The following TAFA5 variants were observed in gnomAD, a reference collection of about 807,000 sequenced individuals.
TAFA5 encodes chemokine-like protein TAFA-5.
TAFA5 carries 6 observed loss-of-function variants against 15.3 expected under a neutral mutation model. That is an observed-to-expected ratio of 0.39 (90% CI 0.21 to 0.77). TAFA5 has a LOEUF of 0.77. Ranked by LOEUF, TAFA5 falls within the 30% of genes least tolerant of loss-of-function variation. The pLI is 0.41. For synonymous variants in TAFA5, 103 were observed against 80.7 expected (o/e 1.28, Z -1.48); for missense variants, 161 against 193.1 (o/e 0.83, Z 0.98).
At chr22:48,734,736 A>C (rs1929960130) in intron 3 of TAFA5, among the ~76,000 whole-genome samples, 1 of 152,244 alleles carries the variant, frequency 6.6e-6, no homozygotes, top group South Asian at 2.1e-4. Context: ...CCCGTCCTGA[A>C]ATGAACCCAG....
intron 1 of TAFA5, among the ~76,000 whole-genome samples, chr22:48,505,802 T>C (rs1920988550): frequency 6.6e-6 from 1 of 152,212 alleles, no homozygotes; most frequent in Non-Finnish European, 1.5e-5. Flanking sequence ...AGAAAAGCTG[T>C]TACACTCATG....
chr22:48,744,038 C>T lies in TAFA5; in HGVS notation c.391-5801C>T, dbSNP rs114630886. Among the ~76,000 whole-genome samples the T allele has an allele frequency of 4.3e-3, 651 of 152,298 alleles. 5 individuals carry two copies. The highest frequency in any genetic ancestry group is 0.011 in the African/African-American group (473 of 41,554). On this transcript the variant is annotated intron_variant, in intron 3 of 3. Coordinates refer to ENST00000402357, the MANE Select transcript of TAFA5 (RefSeq NM_001082967.3). ...GCTGGGTTTGCCGTCGGGGAAGCTC[C>T]GAGTTGCGCCTGCCAAGGCTGTTCT...
intron 1 of TAFA5, among the ~76,000 whole-genome samples, chr22:48,577,264 G>A (rs1265341090): frequency 6.6e-6 from 1 of 152,208 alleles, no homozygotes. Context: ...CATCTTACTG[G>A]GGGTTGGGGG....
intron 2 of TAFA5, among the ~76,000 whole-genome samples, chr22:48,666,794 T>C (rs950449302): frequency 6.6e-6 from 1 of 152,174 alleles, no homozygotes; most frequent in African/African-American, 2.4e-5. Flanking sequence ...TCCAGCCTGC[T>C]GGGAGACACA....
intron 1 of TAFA5, among the ~76,000 whole-genome samples, chr22:48,540,308 A>G (rs1259090056): frequency 6.7e-6 from 1 of 149,658 alleles, no homozygotes; most frequent in Non-Finnish European, 1.5e-5. Context: ...CGGTGGGGGG[A>G]GGTGGATCCC....
intron 1 of TAFA5, chr22:48,538,960 A>G (rs73173404): frequency 0.011 from 1,997 of 180,064 alleles, 27 homozygotes; most frequent in Non-Finnish European, 0.017. Context: ...AGTGTGCAAT[A>G]GACTTAACAT....
At chr22:48,700,013 C>A (rs1184367917) in intron 2 of TAFA5, among the ~76,000 whole-genome samples, 3 of 152,050 alleles carry the variant, frequency 2.0e-5, no homozygotes, top group African/African-American at 7.2e-5. Context: ...GTGATGTCTG[C>A]ATGAATGTGC....
At chr22:48,721,262 G>C (rs1331260962) in intron 3 of TAFA5, among the ~76,000 whole-genome samples, 1 of 152,216 alleles carries the variant, frequency 6.6e-6, no homozygotes, top group African/African-American at 2.4e-5. Context: ...TTCTAGAGCA[G>C]CCTGGGCCAC....
chr22:48,558,187 T>C (rs985221541), intron 1 of TAFA5, among the ~76,000 whole-genome samples: 1 of 152,184 alleles, frequency 6.6e-6, no homozygotes, highest in Non-Finnish European at 1.5e-5. Flanking sequence ...CATCCCAATC[T>C]AGTCATTATT....
chr22:48,610,254 G>A (rs1056744035), intron 1 of TAFA5, among the ~76,000 whole-genome samples: 6 of 152,126 alleles, frequency 3.9e-5, no homozygotes, highest in Admixed American at 2.0e-4. Flanking sequence ...ACAGGCCGGA[G>A]GCTGCATCCC....
chr22:48,640,896 G>A (rs1384457301), intron 1 of TAFA5, among the ~76,000 whole-genome samples: 2 of 138,094 alleles, frequency 1.4e-5, no homozygotes, highest in African/African-American at 5.6e-5. Flanking sequence ...AGTGAGAACA[G>A]TGGGGGGCTG....
intron 1 of TAFA5, among the ~76,000 whole-genome samples, chr22:48,585,166 A>G (rs1173104493): frequency 6.7e-6 from 1 of 150,362 alleles, no homozygotes; most frequent in East Asian, 2.0e-4. Flanking sequence ...ACTAGACACC[A>G]CACACGACAC....
At chr22:48,680,969 G>A (rs895254486) in intron 2 of TAFA5, among the ~76,000 whole-genome samples, 2 of 152,260 alleles carry the variant, frequency 1.3e-5, no homozygotes, top group African/African-American at 4.8e-5. Context: ...CTTCTGGAAG[G>A]ATCCTAATCT....
intron 1 of TAFA5, among the ~76,000 whole-genome samples, chr22:48,513,037 G>A (rs1045324307): frequency 6.6e-6 from 1 of 152,184 alleles, no homozygotes; most frequent in Non-Finnish European, 1.5e-5. Flanking sequence ...GTGGTGGGGG[G>A]AGTGTGCTGT....
At chr22:48,584,773 A>G (rs1036831881) in intron 1 of TAFA5, among the ~76,000 whole-genome samples, 3 of 151,128 alleles carry the variant, frequency 2.0e-5, no homozygotes, top group Non-Finnish European at 4.4e-5. Context: ...CACCACACAC[A>G]TCACACACGC....
intron 1 of TAFA5, among the ~76,000 whole-genome samples, chr22:48,593,483 T>C (rs1601602080): frequency 6.7e-6 from 1 of 148,880 alleles, no homozygotes; most frequent in South Asian, 2.2e-4. Context: ...GCTCGGGGGG[T>C]GTCTCAGGGC....
chr22:48,619,836 C>T (rs780520723), intron 1 of TAFA5, among the ~76,000 whole-genome samples: 13 of 152,234 alleles, frequency 8.5e-5, no homozygotes, highest in Non-Finnish European at 1.2e-4. Flanking sequence ...GCGCTGTCCT[C>T]GTTGCTCTGG....
chr22:48,730,043 C>T (rs1040851985), intron 3 of TAFA5, among the ~76,000 whole-genome samples: 3 of 152,126 alleles, frequency 2.0e-5, no homozygotes, highest in African/African-American at 7.2e-5. Flanking sequence ...ACACACATTG[C>T]TCACACCTAC....
At position 48,675,067 on chromosome 22, in the gene TAFA5, G is replaced by A. The variant is rs576403574; in HGVS notation, c.262+28321G>A. 7.9e-5 allele frequency among the ~76,000 whole-genome samples: 12 copies of A among 151,806 alleles called. No individual in the cohort carries two copies. In the East Asian group the frequency reaches 1.6e-3, roughly 20 times the overall value. On this transcript the variant is annotated intron_variant, in intron 2 of 3. Transcript: ENST00000402357. ...AGAGATTCTCCTGCCTTAGCCTCCC[G>A]AGTAGCTGGGATTACAGGTGCCCAT...
Sources: allele counts gnomAD v4.1 joint callset (sites outside exome capture counted in the v4.1 genomes callset), GRCh38; gene constraint gnomAD v4.1.1; transcripts MANE v1.5; gene names NCBI Gene and HGNC (gene_info 2026-07-23, HGNC 2026-07-21).